Variants in ELAC1 observed in about 807,000 individuals in gnomAD.
ELAC1 encodes the protein elaC ribonuclease Z 1.
ELAC1 carries 19 observed loss-of-function variants against 25.8 expected under a neutral mutation model. The observed-to-expected ratio is 0.74, with a 90% CI of 0.51 to 1.08. The LOEUF (loss-of-function observed/expected upper bound fraction) is 1.08. Among genes scored for constraint, ELAC1 ranks in the 50% least tolerant of loss-of-function variants. The pLI, the probability that ELAC1 is intolerant of heterozygous loss-of-function variation, is 0.00. For missense variants in ELAC1, 403 were observed against 434.6 expected, an observed-to-expected ratio of 0.93 and a Z score of 0.65; for synonymous variants, 148 against 160.9, an observed-to-expected ratio of 0.92 and a Z score of 0.61.
intron 2 of ELAC1, among the ~76,000 whole-genome samples, chr18:50,978,766 A>G (rs955954401): frequency 6.6e-6 from 1 of 152,200 alleles, no homozygotes; most frequent in Admixed American, 6.5e-5. Context: ...CTGAATGTCT[A>G]GTGTGTGAGG....
rs189179120 is a variant in ELAC1, at chr18:50,974,390, G to A, written c.-8-7G>A. On this transcript the variant is annotated splice_polypyrimidine_tract_variant and splice_region_variant and intron_variant, in intron 1 of 3. Transcript: ENST00000269466. ...GAAATAATCCCCAGATGATCTTTCT[G>A]TTGCAGGGTGGAAGATGTCTATGGA... 7.1e-5 allele frequency: 108 copies of A among 1,513,366 alleles called. No homozygotes were observed. The African/African-American group carries it at 1.5e-3, about 21-fold the overall frequency. The allele number at this position is 1,513,366 out of a possible 1,614,324, so 93.7% of individuals were successfully genotyped here.
intron 1 of ELAC1, among the ~76,000 whole-genome samples, chr18:50,970,335 T>G (rs1907618932): frequency 6.6e-6 from 1 of 152,234 alleles, no homozygotes; most frequent in African/African-American, 2.4e-5. Context: ...AATCCATTAT[T>G]TGTTAGGGAT....
rs959995214 is a variant in ELAC1 at position 50,977,837 on chromosome 18, G to A, written c.157+3276G>A. On this transcript the variant is annotated intron_variant, in intron 2 of 3. Coordinates refer to ENST00000269466, the MANE Select transcript of ELAC1 (RefSeq NM_018696.3). ...CATATCTTTGTGAATACATAAAAGT[G>A]AATGCTTTTAAGAGCACCCAAGTTA... Among the ~76,000 whole-genome samples, 5 of 152,172 alleles carry A rather than the reference G, an allele frequency of 3.3e-5. No individual in the cohort carries two copies. In the South Asian group the frequency reaches 6.2e-4, roughly 19 times the overall value.
chr18:50,970,787 A>G (rs1907630261), intron 1 of ELAC1, among the ~76,000 whole-genome samples: 1 of 152,130 alleles, frequency 6.6e-6, no homozygotes, highest in Non-Finnish European at 1.5e-5. Flanking sequence ...AATTTAAAAG[A>G]AAAGTTAACC....
rs150063279 is a variant in ELAC1 at position 50,977,693 on chromosome 18, C to T, written c.157+3132C>T. 3.3e-5 allele frequency among the ~76,000 whole-genome samples: 5 copies of T among 152,338 alleles called. No homozygotes were observed. In the East Asian group the frequency reaches 9.6e-4, roughly 29 times the overall value. The stretch of plus-strand genomic sequence containing the variant: ...TCCTCATTACTTACACAAATTTCTG[C>T]AGCTAGCTTGAATTTCTGCTCAGAA... On this transcript the variant is annotated intron_variant, in intron 2 of 3. Transcript: ENST00000269466.
intron 3 of ELAC1, 101 bp from the exon 4 acceptor site, chr18:50,986,518 G>T: frequency 1.1e-6 from 1 of 876,442 alleles, no homozygotes; most frequent in East Asian, 2.5e-5. Flanking sequence ...AACAATTATG[G>T]ATGCCTTTTC....
chr18:50,986,757 C>G lies in ELAC1; in HGVS notation c.764C>G (p.Ser255Cys), dbSNP rs1221311437. Residue 255 changes from serine (S) to cysteine (C), a missense_variant, in exon 4 of 4, where the codon TCT (serine) becomes TGT (cysteine). By Grantham distance (112) the Ser-to-Cys change is moderately radical. Transcript: ENST00000269466. ...GRKICILGDCSGVVGDGGVKL... is the reference protein window; with the variant it reads ...GRKICILGDCCGVVGDGGVKL... ...AAAATCTGCATATTGGGTGACTGCTCTGGGGTTGTGGGTGATGGAGGAGTA... is the reference window on the plus strand; with the variant it reads ...AAAATCTGCATATTGGGTGACTGCTGTGGGGTTGTGGGTGATGGAGGAGTA... 1 of 1,614,182 alleles carries G rather than the reference C, an allele frequency of 6.2e-7. No homozygotes were observed. Among genetic ancestry groups the G allele is most frequent in the Non-Finnish European group, 8.5e-7 (1 of 1,180,030 alleles).
rs189905644 is a variant in ELAC1, at chr18:50,969,833, G to C, written c.-9+1719G>C. ...CTAATCTCTACTTCTGTATGTGTCT[G>C]AAGTTTTTCAGAATAAAACTTTTTT... On this transcript the variant is annotated intron_variant, in intron 1 of 3. Transcript: ENST00000269466. 1.1e-3 allele frequency: 174 copies of C among 152,318 alleles called. 1 individual carries two copies. The highest frequency in any genetic ancestry group is 4.1e-3 in the African/African-American group (169 of 41,560). The allele number at this position is 152,318 out of a possible 1,614,324, so 9.4% of individuals were successfully genotyped here.
Position 50,984,291 on chromosome 18 carries a change from ATGTGGTTCATGAACTGGTTCCT to A in ELAC1, c.354_375del (p.Tyr118Ter), listed in dbSNP as rs1908040001. 1 of 1,614,156 alleles carries A rather than the reference ATGTGGTTCATGAACTGGTTCCT, an allele frequency of 6.2e-7. No individual in the cohort carries two copies. Among genetic ancestry groups the A allele is most frequent in the Admixed American group, 1.7e-5 (1 of 60,014 alleles). On this transcript the variant is annotated frameshift_variant, in exon 3 of 4. Coordinates refer to ENST00000269466, the MANE Select transcript of ELAC1 (RefSeq NM_018696.3). LOFTEE classifies it high-confidence loss of function. The stretch of plus-strand genomic sequence containing the variant: ...TCTCACACGGAGCTGGTCTTCCATT[ATGTGGTTCATGAACTGGTTCCT>A]ACAGCAGATCAATGTCCTGCAGAAG...
intron 2 of ELAC1, among the ~76,000 whole-genome samples, chr18:50,977,223 T>C (rs1157051781): frequency 6.6e-6 from 1 of 152,202 alleles, no homozygotes; most frequent in Non-Finnish European, 1.5e-5. Context: ...AGTGTCCCAG[T>C]GGCTATGTGT....
rs535625842 is a variant in ELAC1 at position 50,974,435 on chromosome 18, G to A, written c.31G>A (p.Gly11Ser). MSMDVTFLGTGAAYPSPTRGA... is the reference protein window; with the variant it reads MSMDVTFLGTSAAYPSPTRGA... ...TATGGATGTGACATTCCTGGGGACG[G>A]GTGCAGCATACCCATCTCCAACCCG... The change falls in exon 2 of 4, where the codon GGT (glycine) becomes AGT (serine). Residue 11 changes from glycine to serine, a missense_variant. Transcript: ENST00000269466. The A allele has an allele frequency of 1.3e-6, 2 of 1,565,996 alleles. No individual in the cohort carries two copies. The highest frequency in any genetic ancestry group is 2.4e-5 in the South Asian group (2 of 83,324).
At chr18:50,981,196 T>G (rs1185000147) in intron 2 of ELAC1, among the ~76,000 whole-genome samples, 1 of 152,020 alleles carries the variant, frequency 6.6e-6, no homozygotes, top group Non-Finnish European at 1.5e-5. Flanking sequence ...AAGAGCATGA[T>G]TTTTTAAATG....
chr18:50,987,096 C>T lies in ELAC1; in HGVS notation c.*11C>T, dbSNP rs757622954. 5 of 1,504,862 alleles carry T rather than the reference C, an allele frequency of 3.3e-6. No individual in the cohort carries two copies. Among genetic ancestry groups the T allele is most frequent in the Middle Eastern group, 1.8e-4 (1 of 5,600 alleles). The allele number at this position is 1,504,862 out of a possible 1,614,324, so 93.2% of individuals were successfully genotyped here. A position where few individuals can be genotyped will look rare whatever the true frequency, so the allele number is the denominator to read the frequency against. On this transcript the variant is annotated 3_prime_UTR_variant, in exon 4 of 4. Coordinates refer to ENST00000269466, the MANE Select transcript of ELAC1 (RefSeq NM_018696.3). Reference sequence around the variant, plus strand: ...CCAATCAAGAAATGAAACCAGTGTTCCTGAGTGCACACTGACATGTCTGTG... The same window carrying T: ...CCAATCAAGAAATGAAACCAGTGTTTCTGAGTGCACACTGACATGTCTGTG...
rs79612344 is a variant in ELAC1, at chr18:50,974,158, T to A, written c.-8-239T>A. 1.1e-4 allele frequency among the ~76,000 whole-genome samples: 16 copies of A among 152,350 alleles called. No homozygotes were observed. In the East Asian group the frequency reaches 2.7e-3, roughly 26 times the overall value. ...GTTAGAATTCAGCTATAGTTTTTAA[T>A]TGCCTGGGTTTGGTTATTTTTGTTT... On this transcript the variant is annotated intron_variant, in intron 1 of 3. Coordinates refer to ENST00000269466, the MANE Select transcript of ELAC1 (RefSeq NM_018696.3).
chr18:50,972,810 T>A (rs1907701428), intron 1 of ELAC1, among the ~76,000 whole-genome samples: 2 of 152,206 alleles, frequency 1.3e-5, no homozygotes, highest in Non-Finnish European at 2.9e-5. Context: ...GTCAGATTGC[T>A]GTAGTAAATG....
chr18:50,983,544 T>C (rs1034301692), intron 2 of ELAC1, among the ~76,000 whole-genome samples: 3 of 152,036 alleles, frequency 2.0e-5, no homozygotes, highest in Admixed American at 1.3e-4. Flanking sequence ...AGATGTCTTA[T>C]GAAAAATGTT....
chr18:50,973,801 T>C (rs990136581), intron 1 of ELAC1, among the ~76,000 whole-genome samples: 2 of 152,182 alleles, frequency 1.3e-5, no homozygotes, highest in Non-Finnish European at 2.9e-5. Context: ...ACATCTTGCA[T>C]TAATGCGGTA....
At chr18:50,982,449 T>A (rs1332423826) in intron 2 of ELAC1, among the ~76,000 whole-genome samples, 1 of 152,230 alleles carries the variant, frequency 6.6e-6, no homozygotes. Flanking sequence ...TGTTCTTTTA[T>A]GGTATCAATA....
intron 2 of ELAC1, among the ~76,000 whole-genome samples, chr18:50,976,005 C>T (rs974329040): frequency 6.6e-6 from 1 of 152,064 alleles, no homozygotes; most frequent in African/African-American, 2.4e-5. Context: ...AGGAAGTTTC[C>T]AGGAAAGAAC....
Sources: gnomAD v4.1 joint callset for allele counts (sites outside exome capture counted in the v4.1 genomes callset) on GRCh38, gnomAD v4.1.1 for gene constraint, MANE v1.5 for transcripts, NCBI Gene and HGNC (gene_info 2026-07-23, HGNC 2026-07-21) for gene names.